RAD51B: variants seen among roughly 807,000 people sequenced by gnomAD.
RAD51B encodes the protein DNA repair protein RAD51 homolog 2.
RAD51B carries 38 observed loss-of-function variants against 42.2 expected under a neutral mutation model. That is an observed-to-expected ratio of 0.90 (90% CI 0.70 to 1.18). The LOEUF (loss-of-function observed/expected upper bound fraction) is 1.18, where lower values mean the gene tolerates loss of function less well. Ranked by LOEUF, RAD51B falls within the 50% of genes most tolerant of loss-of-function variation. The pLI is 0.00. For missense variants in RAD51B, 373 were observed against 400.7 expected, an observed-to-expected ratio of 0.93 and a Z score of 0.59; for synonymous variants, 154 against 145.2, an observed-to-expected ratio of 1.06 and a Z score of -0.43.
intron 7 of RAD51B, among the ~76,000 whole-genome samples, chr14:68,147,405 A>G (rs527987528): frequency 1.3e-5 from 2 of 152,308 alleles, no homozygotes; most frequent in African/African-American, 4.8e-5. Context: ...GGGAACTTCT[A>G]TATTCTGCTT....
chr14:68,072,574 G>T (rs115202636), intron 7 of RAD51B, among the ~76,000 whole-genome samples: 5,485 of 152,208 alleles, frequency 0.036, 259 homozygotes, highest in African/African-American at 0.1. Context: ...TGACTCAGAT[G>T]TTAATCTCCT....
intron 7 of RAD51B, among the ~76,000 whole-genome samples, chr14:67,948,370 A>G (rs2045468306): frequency 6.6e-6 from 1 of 152,194 alleles, no homozygotes; most frequent in African/African-American, 2.4e-5. Context: ...CTTCTGGGAC[A>G]GAGTAGAAAT....
At chr14:67,852,139 T>C (rs1018543753) in intron 4 of RAD51B, among the ~76,000 whole-genome samples, 13 of 152,072 alleles carry the variant, frequency 8.5e-5, no homozygotes, top group African/African-American at 2.9e-4. Flanking sequence ...TCTGACCCAG[T>C]GAAATACAGA....
intron 7 of RAD51B, among the ~76,000 whole-genome samples, chr14:68,285,243 C>T (rs1292736087): frequency 6.6e-6 from 1 of 152,178 alleles, no homozygotes; most frequent in Non-Finnish European, 1.5e-5. Context: ...CTTAACAGAG[C>T]CAGGATTAAA....
chr14:68,214,746 C>T (rs1005615170), intron 7 of RAD51B, among the ~76,000 whole-genome samples: 1 of 152,118 alleles, frequency 6.6e-6, no homozygotes, highest in Non-Finnish European at 1.5e-5. Flanking sequence ...TAGAAGAGGC[C>T]AACTTCTGGC....
At chr14:67,961,776 T>G (rs1477072573) in intron 7 of RAD51B, among the ~76,000 whole-genome samples, 1 of 152,194 alleles carries the variant, frequency 6.6e-6, no homozygotes, top group African/African-American at 2.4e-5. Flanking sequence ...AACATTTAAA[T>G]TTGCATGTGT....
intron 7 of RAD51B, among the ~76,000 whole-genome samples, chr14:67,998,631 A>T (rs1246047614): frequency 1.3e-5 from 2 of 152,202 alleles, no homozygotes; most frequent in African/African-American, 2.4e-5. Flanking sequence ...CTGCAGCCGC[A>T]AGTGCCACTG....
chr14:67,954,074 C>T (rs1375302626), intron 7 of RAD51B, among the ~76,000 whole-genome samples: 1 of 152,104 alleles, frequency 6.6e-6, no homozygotes, highest in Non-Finnish European at 1.5e-5. Flanking sequence ...TTGTTTTACT[C>T]CAACTACTGT....
intron 10 of RAD51B, among the ~76,000 whole-genome samples, chr14:68,648,093 G>A (rs796118353): frequency 0.01 from 159 of 15,564 alleles, 1 homozygote; most frequent in East Asian, 0.022. Context: ...ATACGTGTGT[G>A]TATATATATA....
intron 4 of RAD51B, among the ~76,000 whole-genome samples, chr14:67,854,607 C>T (rs138716462): frequency 0.024 from 3,606 of 150,416 alleles, 118 homozygotes; most frequent in African/African-American, 0.076. Flanking sequence ...GCACTCCAGC[C>T]TGGGCAACAG....
intron 4 of RAD51B, among the ~76,000 whole-genome samples, chr14:67,849,920 T>C (rs1009420158): frequency 6.6e-6 from 1 of 152,164 alleles, no homozygotes; most frequent in African/African-American, 2.4e-5. Flanking sequence ...CTGTGATTCT[T>C]TGGTGGTGTT....
At chr14:68,308,749 A>G (rs2139718145) in intron 8 of RAD51B, among the ~76,000 whole-genome samples, 1 of 148,346 alleles carries the variant, frequency 6.7e-6, no homozygotes, top group South Asian at 2.1e-4. Context: ...GAGATTTGCT[A>G]CACCCGTAGG....
intron 7 of RAD51B, among the ~76,000 whole-genome samples, chr14:67,928,778 A>G (rs2044623506): frequency 6.6e-6 from 1 of 150,378 alleles, no homozygotes; most frequent in Non-Finnish European, 1.5e-5. Flanking sequence ...TCTTACAGGA[A>G]AATTTCCACC....
chr14:68,099,658 G>A (rs1445641421), intron 7 of RAD51B, among the ~76,000 whole-genome samples: 1 of 152,136 alleles, frequency 6.6e-6, no homozygotes, highest in Non-Finnish European at 1.5e-5. Context: ...AAAAGAAAGA[G>A]CATTCCTAAG....
intron 11 of RAD51B, among the ~76,000 whole-genome samples, chr14:68,658,704 C>G (rs1892871694): frequency 6.6e-6 from 1 of 152,200 alleles, no homozygotes; most frequent in Non-Finnish European, 1.5e-5. Flanking sequence ...GCCCCACACC[C>G]CACCAGATCA....
chr14:68,552,616 A>C (rs1317046808), intron 10 of RAD51B, among the ~76,000 whole-genome samples: 1 of 152,222 alleles, frequency 6.6e-6, no homozygotes, highest in Non-Finnish European at 1.5e-5. Flanking sequence ...AAGCAGAAAA[A>C]TGCAATAATC....
chr14:68,415,964 G>T (rs1237262977), intron 9 of RAD51B, among the ~76,000 whole-genome samples: 1 of 152,006 alleles, frequency 6.6e-6, no homozygotes, highest in Non-Finnish European at 1.5e-5. Flanking sequence ...ATTGGAAAGA[G>T]GTCTTTTTTT....
intron 11 of RAD51B, among the ~76,000 whole-genome samples, chr14:68,666,287 T>G (rs1555435233): frequency 6.6e-6 from 1 of 152,236 alleles, no homozygotes; most frequent in Non-Finnish European, 1.5e-5. Context: ...ATCTTTTTGT[T>G]GCATGGGCCA....
At chr14:68,024,480 T>C (rs2075920020) in intron 7 of RAD51B, among the ~76,000 whole-genome samples, 1 of 152,184 alleles carries the variant, frequency 6.6e-6, no homozygotes, top group South Asian at 2.1e-4. Flanking sequence ...TGGAATAATG[T>C]TTCTTCATTT....
Sources: gnomAD v4.1 joint callset for allele counts (sites outside exome capture counted in the v4.1 genomes callset) on GRCh38, gnomAD v4.1.1 for gene constraint, MANE v1.5 for transcripts, NCBI Gene and HGNC (gene_info 2026-07-23, HGNC 2026-07-21) for gene names.